Variants in MUC6 observed in about 807,000 individuals in gnomAD.
MUC6 encodes the protein mucin 6, oligomeric mucus/gel-forming (gene/pseudogene), also known as mucin-6.
In MUC6, 188 loss-of-function variants were observed where a neutral mutation model predicts 201.5. The ratio of observed to expected loss-of-function variants is 0.93; its 90% CI spans 0.83 to 1.05. The LOEUF (loss-of-function observed/expected upper bound fraction) is 1.05, where lower values mean the gene tolerates loss of function less well. MUC6 is among the 50% of genes least tolerant of loss of function. MUC6 has a pLI of 0.00. For missense variants in MUC6, 2,706 were observed against 3,256.9 expected (o/e 0.83, Z 4.12); for synonymous variants, 1,228 against 1,389.4 (o/e 0.88, Z 2.58).
In MUC6 at chr11:1,018,663, G is replaced by A. The variant is rs1225592846; in HGVS notation, c.4138C>T (p.Pro1380Ser). 2 of 1,613,386 alleles carry A rather than the reference G, an allele frequency of 1.2e-6. No individual in the cohort carries two copies. The highest frequency in any genetic ancestry group is 1.7e-6 in the Non-Finnish European group (2 of 1,179,660). ...TGPTTPQPGQ[P>S]TRPTATETTQ... ...GTCTCTGTGGCTGTGGGCCTCGTGGGTTGTCCTGGCTGTGGGGTGGTTGGG... is the reference window on the plus strand; with the variant it reads ...GTCTCTGTGGCTGTGGGCCTCGTGGATTGTCCTGGCTGTGGGGTGGTTGGG... Residue 1380 changes from proline (P) to serine (S), a missense_variant, in exon 31 of 33, where the codon CCC becomes TCC. Physicochemically the swap from Pro to Ser is moderately conservative, Grantham distance 74. Around this residue, in one of 10 missense-constraint regions of MUC6, gnomAD observed 1,850 missense variants for 1,958.3 expected, o/e 0.94. Coordinates refer to ENST00000421673, the MANE Select transcript of MUC6 (RefSeq NM_005961.3).
chr11:1,015,706 G>T, intron 31 of MUC6, 56 bp downstream of exon 31: 7 of 1,503,120 alleles, frequency 4.7e-6, no homozygotes, highest in Non-Finnish European at 6.2e-6. Context: ...GGGGCTGCCT[G>T]GGAGTCATGA....
intron 24 of MUC6, 76 bp downstream of exon 24, chr11:1,024,768 C>T: frequency 6.6e-7 from 1 of 1,524,848 alleles, no homozygotes; most frequent in East Asian, 2.4e-5. Context: ...CCGTGCCTGG[C>T]TTCCCCGCCC....
At position 1,013,609 on chromosome 11, in the gene MUC6, C is replaced by T. The variant is rs761473369; in HGVS notation, c.7167G>A (p.Val2389=). 5 of 1,565,072 alleles carry T rather than the reference C, an allele frequency of 3.2e-6. No individual in the cohort carries two copies. Among genetic ancestry groups the T allele is most frequent in the South Asian group, 2.4e-5 (2 of 84,992 alleles). ...AASFNIITQQ[V]DARCSCCRPL... The stretch of plus-strand genomic sequence containing the variant: ...GGCGGCAGCAGCTGCAGCGGGCATC[C>T]ACCTGCTGGGTGATGATGTTGAAGC... Residue 2389 remains valine (V), a synonymous_variant, in exon 33 of 33, where the codon GTG becomes GTA. Transcript: ENST00000421673.
Position 1,016,361 on chromosome 11 carries a change from G to A in MUC6, c.6440C>T (p.Ser2147Phe), listed in dbSNP as rs1856610517. The A allele has an allele frequency of 1.2e-6, 2 of 1,611,976 alleles. No individual in the cohort carries two copies. Among genetic ancestry groups the A allele is most frequent in the Non-Finnish European group, 1.7e-6 (2 of 1,178,982 alleles). Residue 2147 changes from serine to phenylalanine, a missense_variant, in exon 31 of 33, where the codon TCC (serine) becomes TTC (phenylalanine). By Grantham distance (155) the Ser-to-Phe change is radical. Coordinates refer to ENST00000421673, the MANE Select transcript of MUC6 (RefSeq NM_005961.3). Reference protein sequence around the residue: ...APSTVSSYVPSSHSSPQTSSP... With the variant: ...APSTVSSYVPFSHSSPQTSSP... The stretch of plus-strand genomic sequence containing the variant: ...TGAAGTCTGGGGAGAGGAGTGGGAG[G>A]AGGGCACATAAGAAGAAACAGTAGA...
chr11:1,015,071 T>C (rs1856572087), intron 31 of MUC6, among the ~76,000 whole-genome samples: 1 of 152,212 alleles, frequency 6.6e-6, no homozygotes, highest in Non-Finnish European at 1.5e-5. Context: ...GGGTGGTTGC[T>C]GTGAGAGGAA....
rs1206901944 is a variant in MUC6 at position 1,029,031 on chromosome 11, C to T, written c.1380+15G>A. On this transcript the variant is annotated intron_variant, in intron 11 of 32. Coordinates refer to ENST00000421673, the MANE Select transcript of MUC6 (RefSeq NM_005961.3). ...GGAGCCCTGCTGGCAGGGATGGGCG[C>T]AGGAAAGGCCTTACCTGCCTGGAGA... The T allele has an allele frequency of 2.5e-6, 4 of 1,612,754 alleles. No individual in the cohort carries two copies. In the Admixed American group the frequency reaches 6.7e-5, roughly 27 times the overall value.
Position 1,013,984 on chromosome 11 carries a change from C to G in MUC6, c.7057G>C (p.Glu2353Gln). The G allele has an allele frequency of 6.2e-7, 1 of 1,608,552 alleles. No individual in the cohort carries two copies. The highest frequency in any genetic ancestry group is 8.5e-7 in the Non-Finnish European group (1 of 1,178,144). The stretch of plus-strand genomic sequence containing the variant: ...TTGAACGTGATCTCCTCCTGCTGCT[C>G]CCGCACACTGCAGACCCCTGGTAGC... ...PTSPGVCSVR[E>Q]QQEEITFKGC... Residue 2353 changes from glutamate to glutamine, a missense_variant, in exon 32 of 33, where the codon GAG becomes CAG. This residue lies in a region of MUC6 where 586 missense variants were observed against 488.0 expected (regional missense o/e 1.20). Coordinates refer to ENST00000421673, the MANE Select transcript of MUC6 (RefSeq NM_005961.3).
chr11:1,016,435 G>A lies in MUC6; in HGVS notation c.6366C>T (p.Ser2122=), dbSNP rs1590036683. The change falls in exon 31 of 33, where the codon TCC becomes TCT. Residue 2122 remains serine (S), a synonymous_variant. Coordinates refer to ENST00000421673, the MANE Select transcript of MUC6 (RefSeq NM_005961.3). ...ATGAGGAGGACAGCTGATTAGTTGT[G>A]GAAACAGGAGTGGTTGCAGAACTCA... is the stretch of plus-strand genomic sequence containing the variant. The part of the protein sequence containing the change: ...PHLSSATTPV[S]TTNQLSSSFS... 1.2e-6 allele frequency: 2 copies of A among 1,613,744 alleles called. No homozygotes were observed. The highest frequency in any genetic ancestry group is 1.3e-5 in the African/African-American group (1 of 74,866).
rs61869010 is a variant in MUC6, at chr11:1,017,981, T to C, written c.4820A>G (p.His1607Arg). 8 of 1,592,048 alleles carry C rather than the reference T, an allele frequency of 5.0e-6. No individual in the cohort carries two copies. Among genetic ancestry groups the C allele is most frequent in the Non-Finnish European group, 6.0e-6 (7 of 1,166,046 alleles). The part of the protein sequence containing the change: ...KTTTTYPTPS[H>R]PQTTLPTHVP... ...GTGAGTGGGAAGTGTGGTCTGAGGGTGTGATGGGGTTGGATAGGTAGTGGT... is the reference window on the plus strand; with the variant it reads ...GTGAGTGGGAAGTGTGGTCTGAGGGCGTGATGGGGTTGGATAGGTAGTGGT... The change falls in exon 31 of 33, where the codon CAC becomes CGC. Residue 1607 changes from histidine (H) to arginine (R), a missense_variant. Physicochemically the swap from His to Arg is conservative, Grantham distance 29. Transcript: ENST00000421673.
Position 1,016,978 on chromosome 11 carries a change from T to A in MUC6, c.5823A>T (p.Lys1941Asn), listed in dbSNP as rs76461263. ...TPTSTTNITPKHTSTGTRTPV... is the reference protein window; with the variant it reads ...TPTSTTNITPNHTSTGTRTPV... ...GGGTTCTGGTGCCTGTACTGGTGTG[T>A]TTGGGGGTGATGTTGGTGGTAGAAG... is the stretch of plus-strand genomic sequence containing the variant. Residue 1941 changes from lysine (K) to asparagine (N), a missense_variant, in exon 31 of 33, where the codon AAA (lysine) becomes AAT (asparagine). Transcript: ENST00000421673. 6.1e-3 allele frequency: 8,547 copies of A among 1,411,942 alleles called. No individual in the cohort carries two copies. The highest frequency in any genetic ancestry group is 0.04 in the African/African-American group (2,606 of 64,804). 87.5% of individuals were successfully genotyped at this position (1,411,942 alleles called of 1,614,324 possible).
rs911953288 is a variant in MUC6, at chr11:1,028,710, G to T, written c.1527C>A (p.Val509=). The T allele has an allele frequency of 1.1e-5, 18 of 1,611,980 alleles. No homozygotes were observed. Among genetic ancestry groups the T allele is most frequent in the Non-Finnish European group, 1.5e-5 (18 of 1,179,536 alleles). ...AGGCCTGGAAGATGGGGCGCAGCTG[G>T]ACCACGAGCTCCAGCCCGAAGCTGG... is the stretch of plus-strand genomic sequence containing the variant. The part of the protein sequence containing the change: ...MATSFGLELV[V]QLRPIFQAYV... The change falls in exon 13 of 33, where the codon GTC becomes GTA. Residue 509 remains valine (V), a synonymous_variant. Transcript: ENST00000421673.
chr11:1,023,764 G>A (rs2133825568), intron 25 of MUC6, 112 bp from the exon 26 acceptor site: 1 of 1,492,882 alleles, frequency 6.7e-7, no homozygotes, highest in East Asian at 2.4e-5. Flanking sequence ...GAAGGTCTGG[G>A]CCCTCTTGGT....
chr11:1,029,212 A>T lies in MUC6; in HGVS notation c.1275+16T>A. The T allele has an allele frequency of 1.9e-6, 3 of 1,606,560 alleles. No homozygotes were observed. The highest frequency in any genetic ancestry group is 2.5e-6 in the Non-Finnish European group (3 of 1,177,232). On this transcript the variant is annotated intron_variant, in intron 10 of 32. Transcript: ENST00000421673. ...CCGGGAGCGCCCCTCCCCACGGGCC[A>T]CAGGGCTCGTCCTACCTGGAGGAGG...
Position 1,027,509 on chromosome 11 carries a change from A to G in MUC6, c.1990T>C (p.Cys664Arg). ...RSSVDNCTIPCTGNTTFSYNS... is the reference protein window; with the variant it reads ...RSSVDNCTIPRTGNTTFSYNS... Reference sequence around the variant, plus strand: ...TAGCTGAAGGTGGTGTTACCCGTGCAGGGGATGGCTGTGGGGGACCCGGGC... The same window carrying G: ...TAGCTGAAGGTGGTGTTACCCGTGCGGGGGATGGCTGTGGGGGACCCGGGC... The change falls in exon 17 of 33, where the codon TGC (cysteine) becomes CGC (arginine). Residue 664 changes from cysteine to arginine, a missense_variant. Coordinates refer to ENST00000421673, the MANE Select transcript of MUC6 (RefSeq NM_005961.3). 1 of 1,612,202 alleles carries G rather than the reference A, an allele frequency of 6.2e-7. No homozygotes were observed.
In MUC6 at chr11:1,020,077, G is replaced by T; in HGVS notation, c.3808+13C>A. On this transcript the variant is annotated intron_variant, in intron 29 of 32. Transcript: ENST00000421673. ...AGCTGCCCTCTCCATGGGCTCAGCT[G>T]GAGGCTCCTTACCTCCCGAGGAGGC... 1 of 1,612,854 alleles carries T rather than the reference G, an allele frequency of 6.2e-7. No individual in the cohort carries two copies. The highest frequency in any genetic ancestry group is 8.5e-7 in the Non-Finnish European group (1 of 1,179,600).
At chr11:1,019,935 C>T (rs1015312486) in intron 29 of MUC6, 155 bp downstream of exon 29, 1 of 1,046,774 alleles carries the variant, frequency 9.6e-7, no homozygotes, top group South Asian at 1.4e-5. Context: ...GAAAAATCCC[C>T]AGTTTGGCTC....
chr11:1,036,032 G>C (rs1857208536), intron 1 of MUC6, among the ~76,000 whole-genome samples: 1 of 152,118 alleles, frequency 6.6e-6, no homozygotes, highest in African/African-American at 2.4e-5. Flanking sequence ...GCCCGAGCTG[G>C]GTAGGGGAGC....
chr11:1,034,580 G>A (rs1857176227), intron 1 of MUC6, among the ~76,000 whole-genome samples: 1 of 151,906 alleles, frequency 6.6e-6, no homozygotes, highest in African/African-American at 2.4e-5. Flanking sequence ...TGGGGGAGGG[G>A]TGGGAGAGCT....
At chr11:1,035,727 T>A (rs1857201997) in intron 1 of MUC6, among the ~76,000 whole-genome samples, 1 of 152,050 alleles carries the variant, frequency 6.6e-6, no homozygotes, top group African/African-American at 2.4e-5. Context: ...GCGCCCAGGT[T>A]GGCAGCAGCT....
Sources: gnomAD v4.1 joint callset for allele counts (sites outside exome capture counted in the v4.1 genomes callset) on GRCh38, gnomAD v4.1.1 for gene constraint, gnomAD v4.1.1 regional missense constraint, MANE v1.5 for transcripts, NCBI Gene and HGNC (gene_info 2026-07-23, HGNC 2026-07-21) for gene names.